COL6A6: variants seen among roughly 807,000 people sequenced by gnomAD.
COL6A6 encodes the protein collagen alpha-6(VI) chain.
In COL6A6, 183 loss-of-function variants were observed where a neutral mutation model predicts 208.6. That is an observed-to-expected ratio of 0.88 (90% CI 0.78 to 0.99). COL6A6 has a LOEUF of 0.99. Ranked by LOEUF, COL6A6 falls within the 50% of genes least tolerant of loss-of-function variation. The probability of loss-of-function intolerance (pLI) is 0.00; values close to 1 mark genes in which losing one functional copy is unlikely to be tolerated. For synonymous variants in COL6A6, 973 were observed against 1,011.8 expected (o/e 0.96, Z 0.73); for missense variants, 2,816 against 2,815.2 (o/e 1.00, Z -0.01).
intron 1 of COL6A6, among the ~76,000 whole-genome samples, chr3:130,546,324 G>A (rs535318411): frequency 5.3e-5 from 8 of 151,672 alleles, no homozygotes; most frequent in African/African-American, 9.7e-5. Flanking sequence ...TGGTGCGTCC[G>A]GAGTTGTTCA....
intron 12 of COL6A6, among the ~76,000 whole-genome samples, chr3:130,590,703 G>A (rs1368740483): frequency 1.3e-5 from 2 of 151,940 alleles, no homozygotes; most frequent in Non-Finnish European, 1.5e-5. Flanking sequence ...GAGTAGCTGG[G>A]ACCACAGGCA....
chr3:130,665,033 TAA>T lies in COL6A6; in HGVS notation c.6537_6538del (p.Lys2179AsnfsTer7), dbSNP rs1281923025. On this transcript the variant is annotated frameshift_variant, in exon 36 of 37. Transcript: ENST00000358511. LOFTEE classifies it high-confidence loss of function. ...ATCAACAAATATCCACCAATAAACT[TAA>T]AAATAAAGTGCAACAGACTTAACTC... is the stretch of plus-strand genomic sequence containing the variant. The T allele has an allele frequency of 6.2e-7, 1 of 1,608,294 alleles. No individual in the cohort carries two copies. Among genetic ancestry groups the T allele is most frequent in the South Asian group, 1.1e-5 (1 of 89,570 alleles).
In COL6A6 at chr3:130,607,759, T is replaced by C. The variant is rs537570909; in HGVS notation, c.4689+793T>C. Among the ~76,000 whole-genome samples, 6 of 152,368 alleles carry C rather than the reference T, an allele frequency of 3.9e-5. No homozygotes were observed. In the East Asian group the frequency reaches 1.2e-3, roughly 29 times the overall value. On this transcript the variant is annotated intron_variant, in intron 21 of 36. Coordinates refer to ENST00000358511, the MANE Select transcript of COL6A6 (RefSeq NM_001102608.3). ...TAGAATTTTATACCTAGCTAAACTA[T>C]GTGTAATGTAAAATAGACACTTGTA...
In COL6A6 at chr3:130,667,841, C is replaced by T. The variant is rs537322877; in HGVS notation, c.6596+2745C>T. 2.0e-5 allele frequency among the ~76,000 whole-genome samples: 3 copies of T among 151,658 alleles called. No individual in the cohort carries two copies. The South Asian group carries it at 6.3e-4, about 32-fold the overall frequency. On this transcript the variant is annotated intron_variant, in intron 36 of 36. Transcript: ENST00000358511. ...AGATGGAGTTAAAAGATTCTAGGAGCTTGTATCATTTGGGCCGGGGATTAG... is the reference window on the plus strand; with the variant it reads ...AGATGGAGTTAAAAGATTCTAGGAGTTTGTATCATTTGGGCCGGGGATTAG...
At chr3:130,580,207 A>C (rs1244529296) in intron 8 of COL6A6, among the ~76,000 whole-genome samples, 2 of 152,230 alleles carry the variant, frequency 1.3e-5, no homozygotes, top group African/African-American at 2.4e-5. Context: ...AGCTCAAGAC[A>C]GATATGAGAA....
upstream of COL6A6, among the ~76,000 whole-genome samples, chr3:130,517,175 C>T (rs1710780118): frequency 2.0e-5 from 3 of 152,312 alleles, no homozygotes; most frequent in South Asian, 6.2e-4. Context: ...GGCGTGGGAG[C>T]TGCCACCCGC....
chr3:130,586,477 C>A (rs1450272481), intron 10 of COL6A6, 29 bp from the exon 11 acceptor site: 1 of 1,584,616 alleles, frequency 6.3e-7, no homozygotes, highest in African/African-American at 1.4e-5. Flanking sequence ...ACCCACCTCA[C>A]CTGGAACATT....
intron 21 of COL6A6, among the ~76,000 whole-genome samples, chr3:130,607,676 A>G (rs138271282): frequency 2.6e-5 from 4 of 152,344 alleles, no homozygotes; most frequent in African/African-American, 9.6e-5. Flanking sequence ...GCAGTAATAC[A>G]TGCCAGAAAA....
At chr3:130,579,377 C>A (rs974138689) in intron 8 of COL6A6, among the ~76,000 whole-genome samples, 2 of 152,056 alleles carry the variant, frequency 1.3e-5, no homozygotes, top group Admixed American at 6.6e-5. Context: ...AAAATTAATG[C>A]CCAGAGAGGA....
chr3:130,651,915 G>C (rs1318819475), intron 33 of COL6A6, among the ~76,000 whole-genome samples: 1 of 152,170 alleles, frequency 6.6e-6, no homozygotes, highest in Non-Finnish European at 1.5e-5. Flanking sequence ...GTCTCACCTA[G>C]AAATTGATGA....
chr3:130,668,120 A>G (rs1243195949), intron 36 of COL6A6, among the ~76,000 whole-genome samples: 1 of 151,970 alleles, frequency 6.6e-6, no homozygotes, highest in Non-Finnish European at 1.5e-5. Context: ...AATCACAAAA[A>G]AAACAGATTA....
upstream of COL6A6, among the ~76,000 whole-genome samples, chr3:130,516,885 C>T (rs1468440752): frequency 6.6e-6 from 1 of 152,234 alleles, no homozygotes; most frequent in East Asian, 1.9e-4. Flanking sequence ...CGCCTCGGAT[C>T]TGCACGCCCT....
chr3:130,593,032 C>T, intron 15 of COL6A6, 29 bp from the exon 16 acceptor site: 1 of 1,603,284 alleles, frequency 6.2e-7, no homozygotes. Context: ...ACGTGATGTA[C>T]TCTGTTCTAA....
intron 21 of COL6A6, among the ~76,000 whole-genome samples, 195 bp downstream of exon 21, chr3:130,607,161 A>G (rs2064208244): frequency 6.6e-6 from 1 of 152,242 alleles, no homozygotes; most frequent in Admixed American, 6.5e-5. Flanking sequence ...GTCAAAAACC[A>G]TAAAAAATAA....
At chr3:130,585,597 A>C (rs1305720930) in intron 10 of COL6A6, among the ~76,000 whole-genome samples, 1 of 152,106 alleles carries the variant, frequency 6.6e-6, no homozygotes, top group East Asian at 1.9e-4. Flanking sequence ...TGGCAACCCT[A>C]TGTTGGTCCT....
chr3:130,558,115 A>C (rs2062806600), intron 1 of COL6A6, among the ~76,000 whole-genome samples: 1 of 152,234 alleles, frequency 6.6e-6, no homozygotes, highest in Non-Finnish European at 1.5e-5. Context: ...AATAAACCTC[A>C]CCTTCATTCT....
At chr3:130,532,187 C>G (rs1408112041) in intron 1 of COL6A6, among the ~76,000 whole-genome samples, 1 of 152,192 alleles carries the variant, frequency 6.6e-6, no homozygotes, top group Non-Finnish European at 1.5e-5. Flanking sequence ...CTTCAAATTC[C>G]TGGAAATGAT....
intron 1 of COL6A6, among the ~76,000 whole-genome samples, chr3:130,545,621 A>T (rs9283580): frequency 0.81 from 122,828 of 151,522 alleles, 50,355 homozygotes; most frequent in Non-Finnish European, 0.87. Context: ...TCCTGGCTAA[A>T]GTTTGTATTT....
chr3:130,570,555 A>G (rs1439277826), intron 6 of COL6A6, among the ~76,000 whole-genome samples: 1 of 152,136 alleles, frequency 6.6e-6, no homozygotes, highest in African/African-American at 2.4e-5. Flanking sequence ...CAATCCTGTG[A>G]TTGTCACTTG....
Sources: allele counts gnomAD v4.1 joint callset (sites outside exome capture counted in the v4.1 genomes callset), GRCh38; gene constraint gnomAD v4.1.1; transcripts MANE v1.5; gene names NCBI Gene and HGNC (gene_info 2026-07-23, HGNC 2026-07-21).